Variants in KEL observed in about 807,000 individuals in gnomAD.
KEL encodes the protein Kell metallo-endopeptidase (Kell blood group), also known as kell blood group glycoprotein.
In KEL, 96 loss-of-function variants were observed where a neutral mutation model predicts 99.5. That is an observed-to-expected ratio of 0.97 (90% CI 0.82 to 1.14). The LOEUF (loss-of-function observed/expected upper bound fraction) is 1.14. KEL is among the 50% of genes most tolerant of loss of function. The probability of loss-of-function intolerance (pLI) is 0.00; values close to 1 mark genes in which losing one functional copy is unlikely to be tolerated. For synonymous variants in KEL, 355 were observed against 354.8 expected, an observed-to-expected ratio of 1.00 and a Z score of -0.01; for missense variants, 926 against 924.2, an observed-to-expected ratio of 1.00 and a Z score of -0.03.
rs1796439518 is a variant in KEL at position 142,943,865 on chromosome 7, A to G, written c.1510T>C (p.Phe504Leu). The change falls in exon 14 of 19, where the codon TTC (phenylalanine) becomes CTC (leucine). Residue 504 changes from phenylalanine (F) to leucine (L), a missense_variant. Physicochemically the swap from Phe to Leu is conservative, Grantham distance 22. Transcript: ENST00000355265. ...ACACAGCTCAGGACAGACTGCAGGA[A>G]GCTCGATCCAAGCTGTATCTGGGGA... Reference protein sequence around the residue: ...EYNDIQLGSSFLQSVLSCVRS... With the variant: ...EYNDIQLGSSLLQSVLSCVRS... 1 of 1,613,998 alleles carries G rather than the reference A, an allele frequency of 6.2e-7. No individual in the cohort carries two copies. Among genetic ancestry groups the G allele is most frequent in the Admixed American group, 1.7e-5 (1 of 60,000 alleles).
intron 1 of KEL, 128 bp downstream of exon 1, chr7:142,962,076 C>G: frequency 1.9e-6 from 3 of 1,612,498 alleles, no homozygotes; most frequent in Non-Finnish European, 2.5e-6. Context: ...TCTCCCATTA[C>G]CTCCCTCTCT....
chr7:142,952,756 T>C (rs972943722), intron 9 of KEL, 118 bp from the exon 10 acceptor site: 9 of 1,188,086 alleles, frequency 7.6e-6, no homozygotes, highest in Non-Finnish European at 1.1e-5. Context: ...CTCCTCTGTA[T>C]TAATAAGTGT....
In KEL at chr7:142,954,085, G is replaced by A. The variant is rs1796761405; in HGVS notation, c.924+99C>T. 25 of 1,428,030 alleles carry A rather than the reference G, an allele frequency of 1.8e-5. No individual in the cohort carries two copies. In the South Asian group the frequency reaches 2.7e-4, roughly 15 times the overall value. The allele number at this position is 1,428,030 out of a possible 1,614,324, so 88.5% of individuals were successfully genotyped here. ...GAGGGGATGGAGTCAGAGACAGAATGAAAAGGTATTAAGGGCACTAGGAGG... is the reference window on the plus strand; with the variant it reads ...GAGGGGATGGAGTCAGAGACAGAATAAAAAGGTATTAAGGGCACTAGGAGG... On this transcript the variant is annotated intron_variant, in intron 8 of 18. Transcript: ENST00000355265.
rs756216482 is a variant in KEL at position 142,957,810 on chromosome 7, G to A, written c.672+17C>T. On this transcript the variant is annotated intron_variant, in intron 6 of 18. Transcript: ENST00000355265. ...GCAGGCCAGGTCCAACTGTGTCTTC[G>A]CCAGTGCATCCCTCACCTGGATGAC... is the stretch of plus-strand genomic sequence containing the variant. The A allele has an allele frequency of 1.7e-5, 27 of 1,613,822 alleles. No homozygotes were observed. The highest frequency in any genetic ancestry group is 1.5e-4 in the Admixed American group (9 of 60,022).
At chr7:142,957,579 T>C (rs1057419955) in intron 6 of KEL, among the ~76,000 whole-genome samples, 10 of 152,216 alleles carry the variant, frequency 6.6e-5, no homozygotes, top group African/African-American at 2.4e-4. Flanking sequence ...GCTCTGAGAC[T>C]AATCCAGATT....
chr7:142,956,122 T>C (rs1796824443), intron 6 of KEL, among the ~76,000 whole-genome samples: 1 of 152,182 alleles, frequency 6.6e-6, no homozygotes, highest in African/African-American at 2.4e-5. Flanking sequence ...ACACTGATGA[T>C]AATCACCCTC....
At chr7:142,947,320 G>A (rs1323763524) in intron 10 of KEL, among the ~76,000 whole-genome samples, 7 of 152,132 alleles carry the variant, frequency 4.6e-5, no homozygotes, top group African/African-American at 1.2e-4. Context: ...GGGGAAGGTA[G>A]GAAGGCTGCC....
intron 10 of KEL, among the ~76,000 whole-genome samples, chr7:142,949,072 G>T (rs1202419202): frequency 1.3e-5 from 2 of 152,126 alleles, no homozygotes; most frequent in Admixed American, 1.3e-4. Context: ...TCCTACCACT[G>T]AATAGAGTAT....
At chr7:142,957,319 G>A (rs1293855117) in intron 6 of KEL, among the ~76,000 whole-genome samples, 2 of 152,150 alleles carry the variant, frequency 1.3e-5, no homozygotes, top group Non-Finnish European at 2.9e-5. Context: ...GGGGGTAAGG[G>A]AGAGAAGGAA....
At chr7:142,957,723 A>C (rs1292225741) in intron 6 of KEL, 104 bp downstream of exon 6, 1 of 1,401,942 alleles carries the variant, frequency 7.1e-7, no homozygotes, top group Non-Finnish European at 1.0e-6. Flanking sequence ...CCTATATCAC[A>C]CAGGTGTCCT....
At chr7:142,947,245 T>G (rs550267392) in intron 10 of KEL, among the ~76,000 whole-genome samples, 1 of 152,188 alleles carries the variant, frequency 6.6e-6, no homozygotes, top group African/African-American at 2.4e-5. Flanking sequence ...CTAATTTGGG[T>G]TAGGCAGGAT....
chr7:142,954,063 G>T, intron 8 of KEL, 107 bp from the exon 9 acceptor site: 2 of 1,422,054 alleles, frequency 1.4e-6, no homozygotes, highest in Non-Finnish European at 2.0e-6. Context: ...ACTGGGGGAG[G>T]GGATGGAGTC....
chr7:142,955,290 C>CA (rs1266303522), intron 6 of KEL, among the ~76,000 whole-genome samples: 1 of 151,658 alleles, frequency 6.6e-6, no homozygotes, highest in African/African-American at 2.4e-5. Flanking sequence ...TTTTTTTCCC[C>CA]AAAAAAACAT....
chr7:142,941,440 G>T, intron 18 of KEL, 27 bp from the exon 19 acceptor site: 1 of 1,561,992 alleles, frequency 6.4e-7, no homozygotes, highest in South Asian at 1.2e-5. Flanking sequence ...GTCATTGAAG[G>T]GGGAGGGTCC....
intron 7 of KEL, 21 bp downstream of exon 7, chr7:142,954,444 T>C: frequency 1.9e-6 from 3 of 1,612,136 alleles, no homozygotes; most frequent in Non-Finnish European, 1.7e-6. Flanking sequence ...GGGCAGGGCC[T>C]TTGTCCATGT....
In KEL at chr7:142,942,906, G is replaced by C. The variant is rs1586246557; in HGVS notation, c.1910C>G (p.Ala637Gly). 1 of 1,614,204 alleles carries C rather than the reference G, an allele frequency of 6.2e-7. No individual in the cohort carries two copies. The highest frequency in any genetic ancestry group is 8.5e-7 in the Non-Finnish European group (1 of 1,180,030). ...CGCGATGGCTAGCCCCCCAACGTCT[G>C]CAGCATTCTCTAAGAATGTGAGGGA... Reference protein sequence around the residue: ...NDSLTFLENAADVGGLAIALQ... With the variant: ...NDSLTFLENAGDVGGLAIALQ... Residue 637 changes from alanine (A) to glycine (G), a missense_variant, in exon 17 of 19, where the codon GCA (alanine) becomes GGA (glycine). Transcript: ENST00000355265.
rs1286803354 is a variant in KEL at position 142,960,978 on chromosome 7, G to T, written c.350C>A (p.Ser117Tyr). 1.4e-5 allele frequency: 23 copies of T among 1,614,092 alleles called. No homozygotes were observed. The highest frequency in any genetic ancestry group is 1.9e-5 in the Non-Finnish European group (23 of 1,180,048). The part of the protein sequence containing the change: ...ACGRAKETNN[S>Y]FQELATKNKN... Reference sequence around the variant, plus strand: ...GTTCTTTGTGGCAAGCTCCTGAAAAGAATTATTGGTCTCTTTGGCCCTTCC... The same window carrying T: ...GTTCTTTGTGGCAAGCTCCTGAAAATAATTATTGGTCTCTTTGGCCCTTCC... Residue 117 changes from serine (S) to tyrosine (Y), a missense_variant, in exon 4 of 19, where the codon TCT becomes TAT. Physicochemically the swap from Ser to Tyr is moderately radical, Grantham distance 144. Coordinates refer to ENST00000355265, the MANE Select transcript of KEL (RefSeq NM_000420.3).
At position 142,945,569 on chromosome 7, in the gene KEL, T is replaced by C. The variant is rs1796501115; in HGVS notation, c.1314+638A>G. 2.0e-5 allele frequency among the ~76,000 whole-genome samples: 3 copies of C among 152,314 alleles called. No homozygotes were observed. The South Asian group carries it at 6.2e-4, about 32-fold the overall frequency. ...TCATCTGTTCTGATGTCACGTCATG[T>C]GTTGTTAAAAAAATCTTAGCTACAA... is the stretch of plus-strand genomic sequence containing the variant. On this transcript the variant is annotated intron_variant, in intron 11 of 18. Coordinates refer to ENST00000355265, the MANE Select transcript of KEL (RefSeq NM_000420.3).
chr7:142,949,310 T>C (rs533293013), intron 10 of KEL, among the ~76,000 whole-genome samples: 1 of 152,370 alleles, frequency 6.6e-6, no homozygotes, highest in South Asian at 2.1e-4. Context: ...GAGAAACTGA[T>C]GTTGAATGAT....
Sources: gnomAD v4.1 joint callset for allele counts (sites outside exome capture counted in the v4.1 genomes callset) on GRCh38, gnomAD v4.1.1 for gene constraint, MANE v1.5 for transcripts, NCBI Gene and HGNC (gene_info 2026-07-23, HGNC 2026-07-21) for gene names.